Variants in RAB7B observed in about 807,000 individuals in gnomAD.
The protein encoded by RAB7B is RAB7B, member RAS oncogene family.
At position 205,978,546 on chromosome 1, in the gene RAB7B, A is replaced by AG; in HGVS notation, c.*304dup. Reference sequence around the variant, plus strand: ...GTGTGTTCTGGAGCGGGAGTGTTTGAGGGGTGGATGGGTGGGGAAAGCTGG... The same window carrying AG: ...GTGTGTTCTGGAGCGGGAGTGTTTGAGGGGGTGGATGGGTGGGGAAAGCTGG... On this transcript the variant is annotated 3_prime_UTR_variant, in exon 6 of 6. Transcript: ENST00000617070. The AG allele has an allele frequency of 3.9e-6, 1 of 255,032 alleles. No homozygotes were observed. The highest frequency in any genetic ancestry group is 7.4e-6 in the Non-Finnish European group (1 of 134,850). 15.8% of individuals were successfully genotyped at this position (255,032 alleles called of 1,614,324 possible). A position where few individuals can be genotyped will look rare whatever the true frequency, so the allele number is the denominator to read the frequency against.
intron 4 of RAB7B, 145 bp from the exon 5 acceptor site, chr1:205,985,810 C>CTCA: frequency 2.2e-6 from 1 of 448,604 alleles, no homozygotes; most frequent in Non-Finnish European, 3.9e-6. Context: ...CCCCACCAGG[C>CTCA]CCACCAGGCC....
At chr1:205,985,512 A>G (rs2102633671) in intron 5 of RAB7B, 28 bp downstream of exon 5, 1 of 398,782 alleles carries the variant, frequency 2.5e-6, no homozygotes, top group East Asian at 3.6e-5. Context: ...GGGCGGTCTC[A>G]GCAGGTCCTG....
At chr1:205,984,924 A>G (rs1660562897) in intron 5 of RAB7B, among the ~76,000 whole-genome samples, 1 of 151,492 alleles carries the variant, frequency 6.6e-6, no homozygotes, top group Non-Finnish European at 1.5e-5. Context: ...TCCCTGCAGC[A>G]TGGGCTGTCT....
At chr1:206,002,764 G>T (rs1021933776) in intron 1 of RAB7B, among the ~76,000 whole-genome samples, 1 of 152,184 alleles carries the variant, frequency 6.6e-6, no homozygotes, top group African/African-American at 2.4e-5. Flanking sequence ...TGGGCAAGGA[G>T]AAATATTTAT....
At chr1:205,987,618 T>C (rs1294551230) in intron 4 of RAB7B, among the ~76,000 whole-genome samples, 1 of 152,230 alleles carries the variant, frequency 6.6e-6, no homozygotes, top group Non-Finnish European at 1.5e-5. Flanking sequence ...AAACATGATC[T>C]TAAGTCTACG....
At chr1:205,984,526 G>A (rs1483939707) in intron 5 of RAB7B, among the ~76,000 whole-genome samples, 1 of 152,134 alleles carries the variant, frequency 6.6e-6, no homozygotes, top group Non-Finnish European at 1.5e-5. Flanking sequence ...ATGTTGATGA[G>A]ATGTGGCAGA....
chr1:206,000,523 T>C (rs1660875469), intron 1 of RAB7B, among the ~76,000 whole-genome samples: 1 of 152,204 alleles, frequency 6.6e-6, no homozygotes, highest in African/African-American at 2.4e-5. Context: ...TACTGAACCT[T>C]GGGGCGTCTG....
chr1:205,997,854 A>G (rs1374223996), intron 1 of RAB7B, among the ~76,000 whole-genome samples: 4 of 152,380 alleles, frequency 2.6e-5, no homozygotes, highest in African/African-American at 7.2e-5. Context: ...AAAGAGAGTC[A>G]GAACCAAAGG....
At chr1:205,998,304 C>T (rs964223038) in intron 1 of RAB7B, among the ~76,000 whole-genome samples, 107 of 152,188 alleles carry the variant, frequency 7.0e-4, no homozygotes, top group African/African-American at 2.2e-3. Flanking sequence ...TGCAGTGAGC[C>T]GAGATCATGC....
intron 4 of RAB7B, among the ~76,000 whole-genome samples, chr1:205,986,183 G>A (rs1660600951): frequency 6.6e-6 from 1 of 152,226 alleles, no homozygotes; most frequent in Non-Finnish European, 1.5e-5. Context: ...TCACACTCAG[G>A]AGGCCTGTTG....
Position 205,990,217 on chromosome 1 carries a change from C to T in RAB7B, c.396+2263G>A, listed in dbSNP as rs1406360602. Among the ~76,000 whole-genome samples, 17 of 152,238 alleles carry T rather than the reference C, an allele frequency of 1.1e-4. No individual in the cohort carries two copies. In the East Asian group the frequency reaches 1.3e-3, roughly 12 times the overall value. Reference sequence around the variant, plus strand: ...TAAATCCCACAGCGTGGATATAAAGCGCTTGAAAATGAGGATTAGGAGGGA... The same window carrying T: ...TAAATCCCACAGCGTGGATATAAAGTGCTTGAAAATGAGGATTAGGAGGGA... On this transcript the variant is annotated intron_variant, in intron 4 of 5. Transcript: ENST00000617070.
chr1:205,996,833 T>C (rs1005834655), intron 1 of RAB7B, among the ~76,000 whole-genome samples: 1 of 152,036 alleles, frequency 6.6e-6, no homozygotes, highest in South Asian at 2.1e-4. Flanking sequence ...GGGAGAGAAG[T>C]GTAGAGCAAA....
intron 1 of RAB7B, among the ~76,000 whole-genome samples, chr1:205,997,726 T>C (rs1376935009): frequency 6.6e-6 from 1 of 152,202 alleles, no homozygotes; most frequent in Non-Finnish European, 1.5e-5. Flanking sequence ...TGAAAAAGCA[T>C]GGCTCTCGAA....
At chr1:205,985,148 A>G (rs1041250102) in intron 5 of RAB7B, among the ~76,000 whole-genome samples, 57,296 of 152,104 alleles carry the variant, frequency 0.38, 12,621 homozygotes, top group African/African-American at 0.61. Flanking sequence ...AGCAACTCGT[A>G]CAGGTTTGAT....
chr1:205,988,718 C>T (rs1268432227), intron 4 of RAB7B, among the ~76,000 whole-genome samples: 5 of 152,168 alleles, frequency 3.3e-5, no homozygotes. Flanking sequence ...GTCTCCGCCC[C>T]GCAGAGGAGG....
At chr1:205,987,307 T>C (rs1007794454) in intron 4 of RAB7B, among the ~76,000 whole-genome samples, 6 of 152,152 alleles carry the variant, frequency 3.9e-5, no homozygotes, top group Non-Finnish European at 7.4e-5. Flanking sequence ...GAAAATAAGC[T>C]CAGGGTGTGA....
At chr1:205,984,170 A>T (rs1660548839) in intron 5 of RAB7B, 1 of 152,176 alleles carries the variant, frequency 6.6e-6, no homozygotes, top group Non-Finnish European at 1.5e-5. Flanking sequence ...AGAGAGGGAC[A>T]CCTCTCTGCT....
intron 4 of RAB7B, among the ~76,000 whole-genome samples, chr1:205,989,933 T>G (rs902202381): frequency 0.035 from 5,365 of 152,150 alleles, 311 homozygotes; most frequent in African/African-American, 0.12. Flanking sequence ...TGGCAAAGCT[T>G]CCTCATGTTT....
At chr1:206,000,682 G>A (rs1448734913) in intron 1 of RAB7B, among the ~76,000 whole-genome samples, 1 of 152,164 alleles carries the variant, frequency 6.6e-6, no homozygotes, top group East Asian at 1.9e-4. Flanking sequence ...GAGTCTAGAG[G>A]CCAGGGCCCT....
Sources: allele counts gnomAD v4.1 joint callset (sites outside exome capture counted in the v4.1 genomes callset), GRCh38; gene constraint gnomAD v4.1.1; transcripts MANE v1.5; gene names NCBI Gene and HGNC (gene_info 2026-07-23, HGNC 2026-07-21).